FMO5: variants seen among roughly 807,000 people sequenced by gnomAD.
FMO5 encodes flavin-containing monooxygenase 5.
A neutral mutation model predicts 43.6 loss-of-function variants in FMO5; 51 were observed. The ratio of observed to expected loss-of-function variants is 1.17; its 90% CI spans 0.93 to 1.48. FMO5 has a LOEUF of 1.48. FMO5 is among the 40% of genes most tolerant of loss of function. The pLI, the probability that FMO5 is intolerant of heterozygous loss-of-function variation, is 0.00. For missense variants in FMO5, 644 were observed against 643.0 expected (o/e 1.00, Z -0.02); for synonymous variants, 187 against 216.5 (o/e 0.86, Z 1.20).
intron 7 of FMO5, among the ~76,000 whole-genome samples, chr1:147,200,718 G>A (rs1458079626): frequency 2.0e-5 from 3 of 151,812 alleles, no homozygotes; most frequent in Non-Finnish European, 4.4e-5. Flanking sequence ...ATTTTCGGCC[G>A]AAATAAAGTC....
intron 8 of FMO5, 97 bp from the exon 9 acceptor site, chr1:147,187,342 A>C (rs782379916): frequency 2.0e-5 from 16 of 803,856 alleles, no homozygotes; most frequent in African/African-American, 5.2e-5. Context: ...GCTCAATATC[A>C]GACTAGGAGC....
intron 7 of FMO5, among the ~76,000 whole-genome samples, chr1:147,198,908 A>G (rs1658507419): frequency 6.7e-6 from 1 of 149,868 alleles, no homozygotes. Context: ...TGGAGGTTGT[A>G]TCCAATTTGT....
Position 147,225,323 on chromosome 1 carries a change from C to A in FMO5, c.-74G>T. On this transcript the variant is annotated 5_prime_UTR_variant, in exon 1 of 9. Coordinates refer to ENST00000254090, the MANE Select transcript of FMO5 (RefSeq NM_001461.4). ...AAGCGCTCAACAGATCCTTCAGCTG[C>A]GATCTGGAGGAGACTCAACAGGCGG... 2.2e-6 allele frequency: 1 copy of A among 448,994 alleles called. No homozygotes were observed. The highest frequency in any genetic ancestry group is 3.7e-6 in the Non-Finnish European group (1 of 268,878). The allele number at this position is 448,994 out of a possible 1,614,324, so 27.8% of individuals were successfully genotyped here.
At chr1:147,203,516 C>A (rs994595953) in intron 6 of FMO5, 3 of 878,186 alleles carry the variant, frequency 3.4e-6, no homozygotes, top group Admixed American at 3.4e-5. Context: ...TGAGGTACTG[C>A]ATAAAGTTTA....
chr1:147,191,610 A>G (rs1486570713), intron 7 of FMO5, among the ~76,000 whole-genome samples: 1 of 151,660 alleles, frequency 6.6e-6, no homozygotes, highest in Non-Finnish European at 1.5e-5. Flanking sequence ...GTAGGTTGTG[A>G]AAATTTTTTC....
At chr1:147,185,945 T>C (rs587749907), downstream of FMO5, among the ~76,000 whole-genome samples, 41 of 152,318 alleles carry the variant, frequency 2.7e-4, no homozygotes, top group East Asian at 6.9e-3. Context: ...TGTTCCTACA[T>C]TTAGTTAATA....
chr1:147,194,728 G>T (rs1657633891), intron 7 of FMO5, among the ~76,000 whole-genome samples: 1 of 151,856 alleles, frequency 6.6e-6, no homozygotes, highest in Admixed American at 6.6e-5. Context: ...CTCAGCATTT[G>T]CTTGTCTGTA....
chr1:147,185,052 G>A (rs1356240420), downstream of FMO5, among the ~76,000 whole-genome samples: 2 of 152,006 alleles, frequency 1.3e-5, no homozygotes, highest in Admixed American at 6.6e-5. Flanking sequence ...AACAAGATAT[G>A]GTAAATTGAT....
Position 147,213,367 on chromosome 1 carries a change from C to A in FMO5, c.428G>T (p.Gly143Val). The A allele has an allele frequency of 6.2e-7, 1 of 1,613,672 alleles. No individual in the cohort carries two copies. The highest frequency in any genetic ancestry group is 8.5e-7 in the Non-Finnish European group (1 of 1,179,808). ...EGKKEMNVFDGVMVCTGHHTN... is the reference protein window; with the variant it reads ...EGKKEMNVFDVVMVCTGHHTN... ...GTGATGGCCAGTGCAAACCATGACT[C>A]CATCAAAGACATTCATCTCCTTTTT... is the stretch of plus-strand genomic sequence containing the variant. The change falls in exon 4 of 9, where the codon GGA (glycine) becomes GTA (valine). Residue 143 changes from glycine to valine, a missense_variant. Coordinates refer to ENST00000254090, the MANE Select transcript of FMO5 (RefSeq NM_001461.4).
At position 147,203,239 on chromosome 1, in the gene FMO5, T is replaced by C. The variant is rs1659364394; in HGVS notation, c.831-1735A>G. The C allele has an allele frequency of 5.3e-6, 6 of 1,121,810 alleles. No individual in the cohort carries two copies. The African/African-American group carries it at 6.2e-5, about 12-fold the overall frequency. The allele number at this position is 1,121,810 out of a possible 1,614,324, so 69.5% of individuals were successfully genotyped here. On this transcript the variant is annotated intron_variant, in intron 6 of 8. Coordinates refer to ENST00000254090, the MANE Select transcript of FMO5 (RefSeq NM_001461.4). Reference sequence around the variant, plus strand: ...GCGATTCTTAGAATACTACTACAAATACAGCCTTCACCTACAGTAAAAATT... The same window carrying C: ...GCGATTCTTAGAATACTACTACAAACACAGCCTTCACCTACAGTAAAAATT...
At chr1:147,210,892 TG>T (rs1405782628) in intron 5 of FMO5, 3 of 152,150 alleles carry the variant, frequency 2.0e-5, no homozygotes, top group Non-Finnish European at 4.4e-5. Flanking sequence ...AAATTAATAT[TG>T]AAAAAAAGGA....
chr1:147,193,819 G>C (rs1373965315), intron 7 of FMO5, among the ~76,000 whole-genome samples: 3 of 152,118 alleles, frequency 2.0e-5, no homozygotes, highest in Non-Finnish European at 1.5e-5. Flanking sequence ...GAGTGGTTTT[G>C]AGTGAGTTTT....
intron 6 of FMO5, among the ~76,000 whole-genome samples, chr1:147,207,797 G>A (rs1038156158): frequency 6.6e-6 from 1 of 151,926 alleles, no homozygotes; most frequent in Non-Finnish European, 1.5e-5. Context: ...CCACCCTTAG[G>A]GCAAACTCCT....
At chr1:147,221,801 CA>C (rs1663054163) in intron 2 of FMO5, among the ~76,000 whole-genome samples, 1 of 152,206 alleles carries the variant, frequency 6.6e-6, no homozygotes, top group South Asian at 2.1e-4. Flanking sequence ...TCACTAACCA[CA>C]ACAAGTGTTA....
chr1:147,207,299 T>C (rs942951084), intron 6 of FMO5, among the ~76,000 whole-genome samples: 3 of 152,202 alleles, frequency 2.0e-5, no homozygotes, highest in East Asian at 1.9e-4. Flanking sequence ...GAAGCAAATA[T>C]AGCAAACTTA....
chr1:147,209,339 G>A (rs999262698), intron 5 of FMO5, among the ~76,000 whole-genome samples: 4 of 151,952 alleles, frequency 2.6e-5, no homozygotes, highest in Middle Eastern at 3.4e-3. Flanking sequence ...TCGGGAGGCT[G>A]AGGCAGGAGA....
chr1:147,211,819 T>C (rs1661113443), intron 5 of FMO5, among the ~76,000 whole-genome samples: 1 of 152,232 alleles, frequency 6.6e-6, no homozygotes, highest in African/African-American at 2.4e-5. Context: ...GTTACCTAAC[T>C]GTATGCAAAG....
At chr1:147,198,678 G>A (rs752291850) in intron 7 of FMO5, among the ~76,000 whole-genome samples, 13 of 151,626 alleles carry the variant, frequency 8.6e-5, no homozygotes, top group African/African-American at 2.2e-4. Context: ...GTGAAACCCC[G>A]TCTGTATTAA....
chr1:147,195,291 A>T (rs72708567), intron 7 of FMO5, among the ~76,000 whole-genome samples: 1 of 151,696 alleles, frequency 6.6e-6, no homozygotes. Flanking sequence ...ACCAAACCCA[A>T]ATAATTTTTT....
Sources: gnomAD v4.1 joint callset for allele counts (sites outside exome capture counted in the v4.1 genomes callset) on GRCh38, gnomAD v4.1.1 for gene constraint, MANE v1.5 for transcripts, NCBI Gene and HGNC (gene_info 2026-07-23, HGNC 2026-07-21) for gene names.